Variants in COL11A1 observed in about 807,000 individuals in gnomAD.
COL11A1 encodes collagen type XI alpha 1 chain, also known as collagen alpha-1(XI) chain.
In COL11A1, 74 loss-of-function variants were observed where a neutral mutation model predicts 265.2. That is an observed-to-expected ratio of 0.28 (90% confidence interval 0.23 to 0.34). The LOEUF is 0.34. Among genes scored for constraint, COL11A1 ranks in the 10% least tolerant of loss-of-function variants. The pLI is 1.00. For missense variants in COL11A1, 2,165 were observed against 2,263.6 expected, an observed-to-expected ratio of 0.96 and a Z score of 0.88; for synonymous variants, 816 against 727.6, an observed-to-expected ratio of 1.12 and a Z score of -1.96.
At chr1:102,923,922 T>C (rs1163676088) in intron 46 of COL11A1, among the ~76,000 whole-genome samples, 46 of 151,884 alleles carry the variant, frequency 3.0e-4, no homozygotes, top group Admixed American at 3.0e-3. Flanking sequence ...TTAAAAATTC[T>C]TTCAGGCCGG....
At chr1:102,964,587 G>GGGGT (rs1553219266) in intron 38 of COL11A1, among the ~76,000 whole-genome samples, 178 of 149,524 alleles carry the variant, frequency 1.2e-3, no homozygotes, top group Non-Finnish European at 1.8e-3. Flanking sequence ...TTTCTCTAGG[G>GGGGT]GTGTGTGTGT....
chr1:102,889,726 CCTT>C (rs2100859506), intron 58 of COL11A1, among the ~76,000 whole-genome samples, 164 bp from the exon 59 acceptor site: 1 of 152,208 alleles, frequency 6.6e-6, no homozygotes, highest in African/African-American at 2.4e-5. Flanking sequence ...TTAAGAATCT[CCTT>C]CTCATCACCT....
intron 41 of COL11A1, among the ~76,000 whole-genome samples, chr1:102,957,442 G>T (rs1372492261): frequency 6.6e-6 from 1 of 151,814 alleles, no homozygotes; most frequent in Non-Finnish European, 1.5e-5. Context: ...GTGCAATGAG[G>T]GAATTTATTA....
At chr1:102,975,221 T>C (rs988572592) in intron 35 of COL11A1, among the ~76,000 whole-genome samples, 1 of 146,898 alleles carries the variant, frequency 6.8e-6, no homozygotes, top group Non-Finnish European at 1.5e-5. Flanking sequence ...GAAACATTCA[T>C]ACAAGGAAGA....
Position 102,898,183 on chromosome 1 carries a change from A to G in COL11A1, c.4249-5T>C, listed in dbSNP as rs764211138. The stretch of plus-strand genomic sequence containing the variant: ...TCCAGGGAGACCTTGTTCTCCCTAG[A>G]GAAAATAAAAATGATTGATTTTTAA... On this transcript the variant is annotated splice_region_variant and splice_polypyrimidine_tract_variant and intron_variant, in intron 56 of 66. Coordinates refer to ENST00000370096, the MANE Select transcript of COL11A1 (RefSeq NM_001854.4). The G allele has an allele frequency of 7.5e-7, 1 of 1,336,164 alleles. No homozygotes were observed. 82.8% of individuals were successfully genotyped at this position (1,336,164 alleles called of 1,614,324 possible). A position where few individuals can be genotyped will look rare whatever the true frequency, so the allele number is the denominator to read the frequency against.
chr1:102,908,648 A>T (rs1231161472), intron 54 of COL11A1, among the ~76,000 whole-genome samples: 1 of 152,086 alleles, frequency 6.6e-6, no homozygotes, highest in Non-Finnish European at 1.5e-5. Flanking sequence ...ATTGATGTGT[A>T]ATGTCCAATT....
In COL11A1 at chr1:102,991,645, A is replaced by G. The variant is rs1273240298; in HGVS notation, c.2341-2074T>C. ...ATTAACCTGTGAGTCTCCAGTGTCA[A>G]ACATGTTTTGGACCTTCAGTAACCA... On this transcript the variant is annotated intron_variant, in intron 28 of 66. Transcript: ENST00000370096. 2.0e-5 allele frequency among the ~76,000 whole-genome samples: 3 copies of G among 152,146 alleles called. No individual in the cohort carries two copies. The East Asian group carries it at 5.8e-4, about 29-fold the overall frequency.
intron 54 of COL11A1, among the ~76,000 whole-genome samples, chr1:102,900,706 C>T (rs188105580): frequency 6.6e-6 from 1 of 151,890 alleles, no homozygotes; most frequent in Admixed American, 6.6e-5. Flanking sequence ...TTAGAAGAGC[C>T]CAGAGAATTT....
chr1:103,023,627 G>A (rs911651804), intron 7 of COL11A1, among the ~76,000 whole-genome samples: 1 of 152,070 alleles, frequency 6.6e-6, no homozygotes, highest in Non-Finnish European at 1.5e-5. Context: ...AAAGTGTTGG[G>A]ATTACATGTG....
At chr1:103,094,279 A>G (rs555170274) in intron 1 of COL11A1, among the ~76,000 whole-genome samples, 2 of 152,274 alleles carry the variant, frequency 1.3e-5, no homozygotes, top group Admixed American at 1.3e-4. Context: ...GATGGGGAAG[A>G]AGAAATAGAA....
At chr1:103,014,405 G>A (rs1666387937) in intron 13 of COL11A1, 106 bp downstream of exon 13, 4 of 959,288 alleles carry the variant, frequency 4.2e-6, no homozygotes, top group Non-Finnish European at 5.0e-6. Flanking sequence ...ACAGTATTCG[G>A]AAGTAAATAT....
intron 4 of COL11A1, among the ~76,000 whole-genome samples, chr1:103,060,635 T>A (rs529169772): frequency 2.6e-5 from 4 of 152,258 alleles, no homozygotes; most frequent in African/African-American, 9.6e-5. Flanking sequence ...ATAGTGTTAT[T>A]TAAAAGTTGA....
chr1:102,915,651 G>A lies in COL11A1; in HGVS notation c.3796C>T (p.Pro1266Ser). Residue 1266 changes from proline (P) to serine (S), a missense_variant, in exon 50 of 67, where the codon CCT (proline) becomes TCT (serine). By Grantham distance (74) the Pro-to-Ser change is moderately conservative (BLOSUM62 -1). Transcript: ENST00000370096. Reference sequence around the variant, plus strand: ...CTTACGCCTACACCTGCTTCCCCAGGAGGCCCTGGGTTCCCTGCTTCTCCA... The same window carrying A: ...CTTACGCCTACACCTGCTTCCCCAGAAGGCCCTGGGTTCCCTGCTTCTCCA... ...EPGEAGNPGP[P>S]GEAGVGGPKG... 6.2e-7 allele frequency: 1 copy of A among 1,613,302 alleles called. No homozygotes were observed. The highest frequency in any genetic ancestry group is 8.5e-7 in the Non-Finnish European group (1 of 1,179,324).
intron 5 of COL11A1, among the ~76,000 whole-genome samples, chr1:103,027,734 C>A (rs1667657276): frequency 6.6e-6 from 1 of 151,816 alleles, no homozygotes; most frequent in Non-Finnish European, 1.5e-5. Context: ...TTATGAATTA[C>A]AAAAACAATA....
intron 57 of COL11A1, among the ~76,000 whole-genome samples, chr1:102,891,923 C>T (rs904144964): frequency 3.3e-5 from 5 of 152,002 alleles, no homozygotes; most frequent in African/African-American, 1.2e-4. Context: ...ACACACCACA[C>T]TAACAAGCCA....
chr1:103,100,967 G>A (rs1229843197), intron 1 of COL11A1, among the ~76,000 whole-genome samples: 3 of 151,926 alleles, frequency 2.0e-5, no homozygotes. Flanking sequence ...TGTACATACT[G>A]AGCATGTATT....
In COL11A1 at chr1:102,964,589, T is replaced by G. The variant is rs542462849; in HGVS notation, c.2916+898A>C. Among the ~76,000 whole-genome samples the G allele has an allele frequency of 3.1e-3, 452 of 143,522 alleles. 1 individual carries two copies. The highest frequency in any genetic ancestry group is 3.9e-3 in the Non-Finnish European group (264 of 67,284). The allele number at this position is 143,522 out of a possible 152,430, so 94.2% of individuals were successfully genotyped here. On this transcript the variant is annotated intron_variant, in intron 38 of 66. Transcript: ENST00000370096. ...TGCAGTTTTGTTGTTTCTCTAGGGG[T>G]GTGTGTGTGTGTGTGTGTGTGTATG...
chr1:103,080,627 C>T (rs1256396236), intron 2 of COL11A1, among the ~76,000 whole-genome samples: 1 of 151,652 alleles, frequency 6.6e-6, no homozygotes, highest in East Asian at 1.9e-4. Context: ...GAGCTATTAC[C>T]CCACTCCAGT....
chr1:102,912,281 A>G, intron 53 of COL11A1, 69 bp from the exon 54 acceptor site: 1 of 1,281,340 alleles, frequency 7.8e-7, no homozygotes, highest in Non-Finnish European at 1.1e-6. Flanking sequence ...AATTTTCAAA[A>G]TCTGGATGGA....
Sources: allele counts gnomAD v4.1 joint callset (sites outside exome capture counted in the v4.1 genomes callset), GRCh38; gene constraint gnomAD v4.1.1; transcripts MANE v1.5; gene names NCBI Gene and HGNC (gene_info 2026-07-23, HGNC 2026-07-21).